The following TRAPPC9 variants were observed in gnomAD, a reference collection of about 807,000 sequenced individuals.
The protein encoded by TRAPPC9 is IKK2 binding protein.
Under a neutral mutation model 124.0 loss-of-function variants are expected in TRAPPC9, and 83 were observed. The ratio of observed to expected loss-of-function variants is 0.67; its 90% CI spans 0.56 to 0.80. The LOEUF (loss-of-function observed/expected upper bound fraction) is 0.80, where lower values mean the gene tolerates loss of function less well. Ranked by LOEUF, TRAPPC9 falls within the 30% of genes least tolerant of loss-of-function variation. The probability of loss-of-function intolerance (pLI) is 0.00; values close to 1 mark genes in which losing one functional copy is unlikely to be tolerated. For synonymous variants in TRAPPC9, 638 were observed against 617.5 expected, an observed-to-expected ratio of 1.03 and a Z score of -0.49; for missense variants, 1,302 against 1,508.3, an observed-to-expected ratio of 0.86 and a Z score of 2.27.
At chr8:140,121,014 A>C (rs552071618) in intron 17 of TRAPPC9, among the ~76,000 whole-genome samples, 2 of 152,384 alleles carry the variant, frequency 1.3e-5, no homozygotes, top group East Asian at 3.9e-4. Flanking sequence ...ATACTGTGGA[A>C]GTTTCTGAGA....
At chr8:139,932,645 T>C (rs1203279885) in intron 19 of TRAPPC9, 3 of 400,044 alleles carry the variant, frequency 7.5e-6, no homozygotes, top group Non-Finnish European at 1.5e-5. Flanking sequence ...ATGCCTGTAG[T>C]CCCAGCTACG....
rs115575426 is a variant in TRAPPC9, at chr8:139,924,700, C to T, written c.2811-14400G>A. On this transcript the variant is annotated intron_variant, in intron 19 of 22. Transcript: ENST00000438773. Reference sequence around the variant, plus strand: ...CCCAGGAACCAAGCCCTCGCTATACCCATCAGTCTGTGCTCACACTTTAAC... The same window carrying T: ...CCCAGGAACCAAGCCCTCGCTATACTCATCAGTCTGTGCTCACACTTTAAC... Among the ~76,000 whole-genome samples, 1,210 of 152,302 alleles carry T rather than the reference C, an allele frequency of 7.9e-3. 16 individuals carry two copies. Among genetic ancestry groups the T allele is most frequent in the African/African-American group, 0.027 (1,133 of 41,546 alleles).
chr8:139,909,399 G>A (rs554231316), intron 20 of TRAPPC9, among the ~76,000 whole-genome samples: 1 of 152,238 alleles, frequency 6.6e-6, no homozygotes, highest in South Asian at 2.1e-4. Flanking sequence ...TGCAGCACTC[G>A]GCAGGGTGCT....
At chr8:140,021,279 T>C (rs1393088838) in intron 18 of TRAPPC9, among the ~76,000 whole-genome samples, 2 of 152,240 alleles carry the variant, frequency 1.3e-5, no homozygotes, top group Admixed American at 6.5e-5. Context: ...CTTAAGTGGA[T>C]TGCTCCAGAG....
chr8:139,955,896 C>T (rs753930783), intron 19 of TRAPPC9, among the ~76,000 whole-genome samples: 5 of 152,222 alleles, frequency 3.3e-5, no homozygotes, highest in Non-Finnish European at 4.4e-5. Context: ...GTCTGCCTTG[C>T]TGCCATCCAG....
In TRAPPC9 at chr8:139,975,960, T is replaced by C. The variant is rs190385014; in HGVS notation, c.2810+12766A>G. Among the ~76,000 whole-genome samples the C allele has an allele frequency of 1.3e-4, 14 of 110,644 alleles. No homozygotes were observed. In the East Asian group the frequency reaches 3.7e-3, roughly 29 times the overall value. 72.6% of individuals were successfully genotyped at this position (110,644 alleles called of 152,430 possible). On this transcript the variant is annotated intron_variant, in intron 19 of 22. Transcript: ENST00000438773. Reference sequence around the variant, plus strand: ...TTTTTTTTTTTTTTTTGAGATGGAGTCTCACTGCAGGCTTCACCCCCCCGG... The same window carrying C: ...TTTTTTTTTTTTTTTTGAGATGGAGCCTCACTGCAGGCTTCACCCCCCCGG...
intron 17 of TRAPPC9, among the ~76,000 whole-genome samples, chr8:140,074,127 G>A (rs950493246): frequency 4.6e-5 from 7 of 152,146 alleles, no homozygotes; most frequent in African/African-American, 9.7e-5. Context: ...CAAAGGCATC[G>A]TGGGTCAGAC....
intron 18 of TRAPPC9, among the ~76,000 whole-genome samples, chr8:139,997,736 A>AACAAATTT (rs1838117444): frequency 9.6e-6 from 1 of 104,360 alleles, no homozygotes; most frequent in African/African-American, 3.0e-5. Flanking sequence ...GAAACAATGC[A>AACAAATTT]TCCTACACAG....
chr8:140,359,156 A>G (rs2067852110), intron 9 of TRAPPC9, among the ~76,000 whole-genome samples: 1 of 152,174 alleles, frequency 6.6e-6, no homozygotes, highest in Non-Finnish European at 1.5e-5. Context: ...CTGTGTCCAT[A>G]TAGCACTGAG....
At chr8:140,426,155 G>A (rs2070415034) in intron 5 of TRAPPC9, among the ~76,000 whole-genome samples, 1 of 152,178 alleles carries the variant, frequency 6.6e-6, no homozygotes, top group African/African-American at 2.4e-5. Context: ...ATTAATTACA[G>A]AAGATATTAC....
chr8:140,087,167 C>G lies in TRAPPC9; in HGVS notation c.2557-63088G>C, dbSNP rs554290707. 1.3e-5 allele frequency among the ~76,000 whole-genome samples: 2 copies of G among 152,302 alleles called. No individual in the cohort carries two copies. Among genetic ancestry groups the G allele is most frequent in the Admixed American group, 1.3e-4 (2 of 15,304 alleles). Reference sequence around the variant, plus strand: ...ACGTTCTCAGCAGCTGTCATTTGCTCCTAAGCCACGCCCCATGTTTCCAGC... The same window carrying G: ...ACGTTCTCAGCAGCTGTCATTTGCTGCTAAGCCACGCCCCATGTTTCCAGC... On this transcript the variant is annotated intron_variant, in intron 17 of 22. Transcript: ENST00000438773. This position sits in a 1 kb window ranked among gnomAD's most constrained non-coding sequence, Gnocchi z 4.6.
chr8:140,304,384 C>T (rs772089757), intron 10 of TRAPPC9, among the ~76,000 whole-genome samples: 9 of 152,130 alleles, frequency 5.9e-5, no homozygotes, highest in Non-Finnish European at 1.0e-4. Context: ...TATGAACCAC[C>T]GTGCCCAGCC....
chr8:139,896,228 A>G (rs541983796), intron 20 of TRAPPC9, among the ~76,000 whole-genome samples: 31 of 152,356 alleles, frequency 2.0e-4, no homozygotes, highest in African/African-American at 7.2e-4. Context: ...CAGTTGTAAT[A>G]CTACAACATA....
intron 7 of TRAPPC9, among the ~76,000 whole-genome samples, chr8:140,390,473 T>G (rs986545958): frequency 1.3e-5 from 2 of 152,174 alleles, no homozygotes; most frequent in Non-Finnish European, 2.9e-5. Context: ...AGCACGGATA[T>G]GGGGCTCATT....
At chr8:140,234,454 G>A (rs556357788) in intron 16 of TRAPPC9, among the ~76,000 whole-genome samples, 6 of 152,340 alleles carry the variant, frequency 3.9e-5, no homozygotes, top group South Asian at 2.1e-4. Context: ...CACCCTGGAC[G>A]CTGAGCTCCT....
At position 140,291,019 on chromosome 8, in the gene TRAPPC9, G is replaced by A. The variant is rs1455129482; in HGVS notation, c.1828C>T (p.Pro610Ser). The change falls in exon 12 of 23, where the codon CCG becomes TCG. Residue 610 changes from proline to serine, a missense_variant. By Grantham distance (74) the Pro-to-Ser change is moderately conservative. Coordinates refer to ENST00000438773, the MANE Select transcript of TRAPPC9 (RefSeq NM_001160372.4). Reference protein sequence around the residue: ...EVQLMVYNPMPFELRVENMGL... With the variant: ...EVQLMVYNPMSFELRVENMGL... ...ATGTTTTCAACTCGAAGTTCAAACG[G>A]CATTGGGTTATATACCATCAGCTGA... The A allele has an allele frequency of 1.9e-6, 3 of 1,614,164 alleles. No individual in the cohort carries two copies. Among genetic ancestry groups the A allele is most frequent in the African/African-American group, 2.7e-5 (2 of 75,046 alleles).
At chr8:140,068,829 C>A (rs761322267) in intron 17 of TRAPPC9, among the ~76,000 whole-genome samples, 4 of 152,150 alleles carry the variant, frequency 2.6e-5, no homozygotes, top group African/African-American at 4.8e-5. Context: ...GTATTAACTA[C>A]CTGAATTATG....
intron 15 of TRAPPC9, among the ~76,000 whole-genome samples, chr8:140,255,794 G>A (rs995732718): frequency 6.6e-6 from 1 of 152,238 alleles, no homozygotes; most frequent in Non-Finnish European, 1.5e-5. Flanking sequence ...CCCAAGGCAT[G>A]AGAGTCACTT....
chr8:140,354,081 CT>C (rs1202389040), intron 9 of TRAPPC9, among the ~76,000 whole-genome samples: 10 of 152,234 alleles, frequency 6.6e-5, no homozygotes, highest in African/African-American at 2.4e-4. Context: ...ATTTGGAGAA[CT>C]GTCAACAATT....
Sources: allele counts gnomAD v4.1 joint callset (sites outside exome capture counted in the v4.1 genomes callset), GRCh38; gene constraint gnomAD v4.1.1; non-coding constraint Gnocchi (gnomAD v3.1); transcripts MANE v1.5; gene names NCBI Gene and HGNC (gene_info 2026-07-23, HGNC 2026-07-21).